SEC14L6: variants seen among roughly 807,000 people sequenced by gnomAD.
SEC14L6 encodes SEC14-like protein 6.
Under a neutral mutation model 54.1 loss-of-function variants are expected in SEC14L6, and 40 were observed. The ratio of observed to expected loss-of-function variants is 0.74; its 90% CI spans 0.57 to 0.96. The LOEUF (loss-of-function observed/expected upper bound fraction) is 0.96, where lower values mean the gene tolerates loss of function less well. Among genes scored for constraint, SEC14L6 ranks in the 40% least tolerant of loss-of-function variants. The pLI is 0.00. For missense variants in SEC14L6, 471 were observed against 498.3 expected, an observed-to-expected ratio of 0.95 and a Z score of 0.52; for synonymous variants, 171 against 198.4, an observed-to-expected ratio of 0.86 and a Z score of 1.16.
chr22:30,538,325 T>C (rs1288680952), intron 2 of SEC14L6, among the ~76,000 whole-genome samples: 2 of 146,014 alleles, frequency 1.4e-5, no homozygotes, highest in Admixed American at 6.9e-5. Context: ...AGAGTGGGAC[T>C]CCGTCTCAAC....
chr22:30,541,017 T>C (rs1201439030), intron 1 of SEC14L6, among the ~76,000 whole-genome samples: 1 of 59,562 alleles, frequency 1.7e-5, no homozygotes, highest in Non-Finnish European at 3.4e-5. Context: ...AGACTACATC[T>C]CAAAAAAAAA....
At chr22:30,534,654 G>T (rs1483645645) in intron 2 of SEC14L6, among the ~76,000 whole-genome samples, 2 of 151,868 alleles carry the variant, frequency 1.3e-5, no homozygotes, top group Non-Finnish European at 1.5e-5. Flanking sequence ...CAAATGATCC[G>T]CCTGCCTCAC....
At chr22:30,535,887 GTTTTTTTTTTT>G (rs71643521) in intron 2 of SEC14L6, among the ~76,000 whole-genome samples, 1 of 128,522 alleles carries the variant, frequency 7.8e-6, no homozygotes, top group African/African-American at 2.9e-5. Flanking sequence ...AGTTTTTTGT[GTTTTTTTTTTT>G]TTTTTTTTTT....
intron 1 of SEC14L6, among the ~76,000 whole-genome samples, chr22:30,544,816 C>T (rs1457434312): frequency 3.3e-5 from 5 of 152,304 alleles, no homozygotes; most frequent in East Asian, 1.9e-4. Context: ...AGCAACATCT[C>T]GCTGTGGGTG....
chr22:30,536,543 A>C (rs1321291572), intron 2 of SEC14L6, among the ~76,000 whole-genome samples: 1 of 152,186 alleles, frequency 6.6e-6, no homozygotes, highest in African/African-American at 2.4e-5. Context: ...TTTTATGAGA[A>C]GATGTTAAGC....
Position 30,531,984 on chromosome 22 carries a change from C to T in SEC14L6, c.438G>A (p.Val146=), listed in dbSNP as rs1024225847. ...GACCAAAAATAGCTATGATTTTCTC[C>T]ACCCTCTTCCCCAGCTGCAAGGGAA... ...ELQSQKLGKR[V]EKIIAIFGLE... Residue 146 remains valine, a synonymous_variant, in exon 6 of 12, where the codon GTG becomes GTA. Coordinates refer to ENST00000402034, the MANE Select transcript of SEC14L6 (RefSeq NM_001193336.4). 3 of 1,550,758 alleles carry T rather than the reference C, an allele frequency of 1.9e-6. No individual in the cohort carries two copies. The highest frequency in any genetic ancestry group is 2.6e-6 in the Non-Finnish European group (3 of 1,146,958).
At chr22:30,538,968 G>C (rs2085649233) in intron 1 of SEC14L6, 66 bp from the exon 2 acceptor site, 5 of 1,128,996 alleles carry the variant, frequency 4.4e-6, no homozygotes, top group African/African-American at 1.6e-5. Flanking sequence ...GGTCTCAACT[G>C]TCCTTGAGGA....
chr22:30,532,462 G>T, intron 5 of SEC14L6, 63 bp downstream of exon 5: 2 of 1,459,674 alleles, frequency 1.4e-6, no homozygotes, highest in South Asian at 1.4e-5. Flanking sequence ...GATTCTGGGT[G>T]TGAGGCTCAG....
chr22:30,535,817 C>A (rs1937121905), intron 2 of SEC14L6, among the ~76,000 whole-genome samples: 1 of 151,998 alleles, frequency 6.6e-6, no homozygotes, highest in Non-Finnish European at 1.5e-5. Context: ...CTCAAGTGAT[C>A]CTCCTACCTC....
intron 1 of SEC14L6, chr22:30,544,054 T>A: frequency 6.5e-7 from 1 of 1,528,100 alleles, no homozygotes; most frequent in Non-Finnish European, 9.1e-7. Context: ...CTTCTCAGAG[T>A]ATGCCAGCAT....
intron 6 of SEC14L6, among the ~76,000 whole-genome samples, 199 bp from the exon 7 acceptor site, chr22:30,529,548 G>A (rs1936900355): frequency 6.6e-6 from 1 of 152,070 alleles, no homozygotes; most frequent in Non-Finnish European, 1.5e-5. Context: ...TGGTTTGTTG[G>A]ATCCTAGTCA....
intron 8 of SEC14L6, among the ~76,000 whole-genome samples, chr22:30,526,177 C>T (rs1476572854): frequency 6.6e-6 from 1 of 152,218 alleles, no homozygotes; most frequent in Non-Finnish European, 1.5e-5. Context: ...TCTTACTGCC[C>T]CTGCAGGCCC....
intron 1 of SEC14L6, among the ~76,000 whole-genome samples, chr22:30,546,289 A>T (rs370786693): frequency 4.7e-5 from 7 of 149,394 alleles, no homozygotes; most frequent in Admixed American, 2.7e-4. Context: ...AGGCTAGGGC[A>T]GGAGAATTGC....
chr22:30,543,078 C>A, intron 1 of SEC14L6: 1 of 1,598,876 alleles, frequency 6.3e-7, no homozygotes, highest in Non-Finnish European at 8.6e-7. Flanking sequence ...GCTTCACCTG[C>A]GAGTCTCATG....
intron 8 of SEC14L6, among the ~76,000 whole-genome samples, chr22:30,528,589 AATTT>A: frequency 6.6e-6 from 1 of 150,664 alleles, no homozygotes; most frequent in Non-Finnish European, 1.5e-5. Flanking sequence ...ATGCCTGGCT[AATTT>A]ATTTATTTAT....
chr22:30,533,964 C>A, intron 3 of SEC14L6, 32 bp downstream of exon 3: 2 of 1,546,444 alleles, frequency 1.3e-6, no homozygotes, highest in Non-Finnish European at 1.7e-6. Context: ...GGAAACAGGA[C>A]CAGGCTAGGC....
intron 1 of SEC14L6, among the ~76,000 whole-genome samples, chr22:30,544,702 C>T (rs143126105): frequency 1.7e-3 from 255 of 152,246 alleles, no homozygotes; most frequent in African/African-American, 5.8e-3. Context: ...CAAAACCCTC[C>T]GCTTCCTCAG....
intron 5 of SEC14L6, 48 bp from the exon 6 acceptor site, chr22:30,532,046 C>G (rs1253159613): frequency 1.3e-6 from 2 of 1,536,528 alleles, no homozygotes; most frequent in South Asian, 2.4e-5. Context: ...CCACTGCCCC[C>G]ACCCATCCAA....
chr22:30,540,366 CCTTT>C (rs1397929931), intron 1 of SEC14L6, among the ~76,000 whole-genome samples: 11 of 134,504 alleles, frequency 8.2e-5, no homozygotes, highest in Admixed American at 5.1e-4. Context: ...CCTTTTTGTT[CCTTT>C]TTTTTTTTTT....
Sources: allele counts gnomAD v4.1 joint callset (sites outside exome capture counted in the v4.1 genomes callset), GRCh38; gene constraint gnomAD v4.1.1; transcripts MANE v1.5; gene names NCBI Gene and HGNC (gene_info 2026-07-23, HGNC 2026-07-21).